Variants in USP20 observed in about 807,000 individuals in gnomAD.
USP20 encodes the protein ubiquitin specific peptidase 20.
In USP20, 80 loss-of-function variants were observed where a neutral mutation model predicts 124.2. That is an observed-to-expected ratio of 0.64 (90% confidence interval 0.54 to 0.78). The LOEUF (loss-of-function observed/expected upper bound fraction) is 0.78, where lower values mean the gene tolerates loss of function less well. USP20 is among the 30% of genes least tolerant of loss of function. The probability of loss-of-function intolerance (pLI) is 0.00; values close to 1 mark genes in which losing one functional copy is unlikely to be tolerated. For synonymous variants in USP20, 481 were observed against 512.3 expected, an observed-to-expected ratio of 0.94 and a Z score of 0.83; for missense variants, 1,043 against 1,244.4, an observed-to-expected ratio of 0.84 and a Z score of 2.44.
chr9:129,870,690 GAT>G (rs1182987585), intron 15 of USP20, 143 bp downstream of exon 15: 1 of 928,234 alleles, frequency 1.1e-6, no homozygotes, highest in Non-Finnish European at 1.6e-6. Context: ...GATCCCATCA[GAT>G]ACCCACGCCC....
chr9:129,867,978 C>A (rs896719019), intron 10 of USP20, 27 bp from the exon 11 acceptor site: 4 of 1,595,060 alleles, frequency 2.5e-6, no homozygotes, highest in Non-Finnish European at 2.6e-6. Context: ...TCCAGGGGAG[C>A]CCTGTTGATG....
chr9:129,847,126 C>T (rs924685075), intron 1 of USP20, among the ~76,000 whole-genome samples: 3 of 152,022 alleles, frequency 2.0e-5, no homozygotes, highest in African/African-American at 7.2e-5. Flanking sequence ...TTTGAGTTGC[C>T]GTTTTTAGTG....
At chr9:129,863,494 C>T (rs1430188649) in intron 9 of USP20, among the ~76,000 whole-genome samples, 195 bp downstream of exon 9, 2 of 152,216 alleles carry the variant, frequency 1.3e-5, no homozygotes, top group African/African-American at 2.4e-5. Flanking sequence ...AACTGAGGTG[C>T]AGAGCACTTT....
At chr9:129,870,665 T>A in intron 15 of USP20, 118 bp downstream of exon 15, 3 of 1,195,682 alleles carry the variant, frequency 2.5e-6, no homozygotes, top group Non-Finnish European at 3.5e-6. Flanking sequence ...CAGGCTAGAC[T>A]TGGCTTCCAA....
At chr9:129,844,862 C>A (rs1320530677) in intron 1 of USP20, among the ~76,000 whole-genome samples, 1 of 151,472 alleles carries the variant, frequency 6.6e-6, no homozygotes, top group Non-Finnish European at 1.5e-5. Context: ...AATTTGAATA[C>A]AACATGGAGG....
intron 6 of USP20, among the ~76,000 whole-genome samples, chr9:129,860,279 A>G (rs1206798513): frequency 6.6e-6 from 1 of 151,432 alleles, no homozygotes; most frequent in Non-Finnish European, 1.5e-5. Context: ...GCAGTGAGCC[A>G]AGATTGCACC....
chr9:129,840,447 G>C (rs2032135720), intron 1 of USP20, among the ~76,000 whole-genome samples: 1 of 152,214 alleles, frequency 6.6e-6, no homozygotes, highest in South Asian at 2.1e-4. Flanking sequence ...CGATGGGGCT[G>C]CCTGTTCCAG....
intron 3 of USP20, among the ~76,000 whole-genome samples, chr9:129,855,470 A>G (rs915001168): frequency 6.6e-6 from 1 of 151,994 alleles, no homozygotes; most frequent in Non-Finnish European, 1.5e-5. Flanking sequence ...CTCTCACAGA[A>G]CAGACCACAG....
rs2034298598 is a variant in USP20 at position 129,874,652 on chromosome 9, C to T, written c.1817C>T (p.Pro606Leu). 8 of 1,613,958 alleles carry T rather than the reference C, an allele frequency of 5.0e-6. No individual in the cohort carries two copies. Among genetic ancestry groups the T allele is most frequent in the Non-Finnish European group, 6.8e-6 (8 of 1,180,034 alleles). ...SFKINSHVSF[P>L]LEGLDLRPFL... ...AAGATCAACAGCCACGTCTCCTTCC[C>T]CCTCGAGGGGCTCGACCTGCGCCCC... Residue 606 changes from proline to leucine, a missense_variant, in exon 18 of 26, where the codon CCC (proline) becomes CTC (leucine). Transcript: ENST00000372429.
chr9:129,844,623 C>CAAAAAA (rs1191781066), intron 1 of USP20, among the ~76,000 whole-genome samples: 2 of 72,418 alleles, frequency 2.8e-5, no homozygotes, highest in Non-Finnish European at 2.7e-5. Context: ...GACTCTGTCT[C>CAAAAAA]AAAAAAAAAA....
chr9:129,880,431 G>T, intron 25 of USP20, 36 bp from the exon 26 acceptor site: 1 of 1,022,290 alleles, frequency 9.8e-7, no homozygotes, highest in Non-Finnish European at 1.4e-6. Flanking sequence ...CCTGGACATG[G>T]CCCGGCCCCA....
intron 4 of USP20, among the ~76,000 whole-genome samples, chr9:129,857,018 A>G (rs944312190): frequency 2.0e-5 from 3 of 152,034 alleles, no homozygotes; most frequent in Admixed American, 1.3e-4. Flanking sequence ...ATGTATTTTT[A>G]TAGTCATACT....
At chr9:129,841,606 AAC>A (rs1057251223) in intron 1 of USP20, among the ~76,000 whole-genome samples, 1 of 152,142 alleles carries the variant, frequency 6.6e-6, no homozygotes, top group Non-Finnish European at 1.5e-5. Context: ...TCTTGCCTGG[AAC>A]AGTTTCTCAG....
chr9:129,875,627 G>A lies in USP20; in HGVS notation c.2286G>A (p.Glu762=). Residue 762 remains glutamate (E), a synonymous_variant, in exon 21 of 26, where the codon GAG becomes GAA. Transcript: ENST00000372429. ...LVVILPQNVW[E]HLYNRFGGGP... ...TCATCCTGCCCCAGAACGTCTGGGA[G>A]CACCTGTACAACAGGTGAGAGCCTG... is the stretch of plus-strand genomic sequence containing the variant. The A allele has an allele frequency of 6.2e-7, 1 of 1,614,024 alleles. No homozygotes were observed. The highest frequency in any genetic ancestry group is 8.5e-7 in the Non-Finnish European group (1 of 1,179,984).
At chr9:129,861,799 G>A (rs774524832) in intron 8 of USP20, among the ~76,000 whole-genome samples, 187 bp downstream of exon 8, 27 of 152,290 alleles carry the variant, frequency 1.8e-4, no homozygotes, top group African/African-American at 6.3e-4. Flanking sequence ...GGAGATAACC[G>A]GAGATGCTGG....
intron 1 of USP20, among the ~76,000 whole-genome samples, chr9:129,845,767 A>T (rs1271879896): frequency 6.6e-6 from 1 of 152,218 alleles, no homozygotes; most frequent in African/African-American, 2.4e-5. Context: ...AAAAGGCAAC[A>T]CAAGTTCATT....
rs2033988593 is a variant in USP20, at chr9:129,869,184, G to C, written c.1277-126G>C. 3 of 1,321,598 alleles carry C rather than the reference G, an allele frequency of 2.3e-6. No homozygotes were observed. The South Asian group carries it at 3.9e-5, about 17-fold the overall frequency. 81.9% of individuals were successfully genotyped at this position (1,321,598 alleles called of 1,614,324 possible). ...GGATGACACAGAGGCATGAGATGGTGAATTGCTTACCCAGTCATGTGACTC... is the reference window on the plus strand; with the variant it reads ...GGATGACACAGAGGCATGAGATGGTCAATTGCTTACCCAGTCATGTGACTC... On this transcript the variant is annotated intron_variant, in intron 12 of 25. Transcript: ENST00000372429.
intron 1 of USP20, among the ~76,000 whole-genome samples, chr9:129,842,934 C>T (rs1254313649): frequency 2.6e-5 from 4 of 151,986 alleles, no homozygotes; most frequent in East Asian, 1.9e-4. Context: ...TCTGTACTAC[C>T]GCCCTTTTTC....
chr9:129,874,902 A>C lies in USP20; in HGVS notation c.1995A>C (p.Thr665=), dbSNP rs762833308. ...QWYEFDDQYV[T]EVHETVVQNA... Reference sequence around the variant, plus strand: ...ACGAGTTTGATGACCAGTACGTCACAGAAGTCCACGAGACGGTGGTGCAGA... The same window carrying C: ...ACGAGTTTGATGACCAGTACGTCACCGAAGTCCACGAGACGGTGGTGCAGA... The change falls in exon 19 of 26, where the codon ACA becomes ACC. Residue 665 remains threonine, a synonymous_variant. Coordinates refer to ENST00000372429, the MANE Select transcript of USP20 (RefSeq NM_001110303.4). 1.0e-4 allele frequency: 162 copies of C among 1,614,022 alleles called. 1 individual carries two copies. Among genetic ancestry groups the C allele is most frequent in the Middle Eastern group, 1.6e-4 (1 of 6,084 alleles).
Sources: gnomAD v4.1 joint callset for allele counts (sites outside exome capture counted in the v4.1 genomes callset) on GRCh38, gnomAD v4.1.1 for gene constraint, MANE v1.5 for transcripts, NCBI Gene and HGNC (gene_info 2026-07-23, HGNC 2026-07-21) for gene names.